The following TNR variants were observed in gnomAD, a reference collection of about 807,000 sequenced individuals.
TNR encodes the protein tenascin-R.
In TNR, 45 loss-of-function variants were observed where a neutral mutation model predicts 150.4. That is an observed-to-expected ratio of 0.30 (90% CI 0.24 to 0.38). The LOEUF is 0.38. Ranked by LOEUF, TNR falls within the 10% of genes least tolerant of loss-of-function variation. TNR has a pLI of 1.00. For synonymous variants in TNR, 687 were observed against 678.4 expected, an observed-to-expected ratio of 1.01 and a Z score of -0.20; for missense variants, 1,544 against 1,759.1, an observed-to-expected ratio of 0.88 and a Z score of 2.19.
At chr1:175,730,718 T>C (rs943168557) in intron 1 of TNR, among the ~76,000 whole-genome samples, 2 of 152,184 alleles carry the variant, frequency 1.3e-5, no homozygotes, top group African/African-American at 4.8e-5. Flanking sequence ...ATAACATACA[T>C]ATATACTATG....
rs910520193 is a variant in TNR, at chr1:175,725,172, T to G, written c.-165+18054A>C. On this transcript the variant is annotated intron_variant, in intron 1 of 22. Coordinates refer to ENST00000367674, the MANE Select transcript of TNR (RefSeq NM_003285.3). Reference sequence around the variant, plus strand: ...ATTGGAAAAAAGCAACAGGCCCCTTTCCACCATGTGAGGATGCAATGAGGA... The same window carrying G: ...ATTGGAAAAAAGCAACAGGCCCCTTGCCACCATGTGAGGATGCAATGAGGA... Among the ~76,000 whole-genome samples the G allele has an allele frequency of 2.0e-5, 3 of 152,298 alleles. No homozygotes were observed. In the South Asian group the frequency reaches 6.2e-4, roughly 32 times the overall value.
chr1:175,732,306 C>T (rs923957717), intron 1 of TNR, among the ~76,000 whole-genome samples: 1 of 152,154 alleles, frequency 6.6e-6, no homozygotes, highest in Non-Finnish European at 1.5e-5. Context: ...GTAGTTACAG[C>T]TTTGGCCCAG....
rs1442226705 is a variant in TNR at position 175,599,284 on chromosome 1, G to A, written c.-164-70915C>T. Reference sequence around the variant, plus strand: ...TTTCAGGCGCCCGGGTTTGCCCACCGCGAAGAGCAGTGGCGGAGACATCGC... The same window carrying A: ...TTTCAGGCGCCCGGGTTTGCCCACCACGAAGAGCAGTGGCGGAGACATCGC... On this transcript the variant is annotated intron_variant, in intron 1 of 22. Coordinates refer to ENST00000367674, the MANE Select transcript of TNR (RefSeq NM_003285.3). The surrounding 1 kb of genome is among the most constrained non-coding windows in gnomAD (Gnocchi z 4.7). Among the ~76,000 whole-genome samples the A allele has an allele frequency of 6.6e-6, 1 of 152,230 alleles. No homozygotes were observed. Among genetic ancestry groups the A allele is most frequent in the Non-Finnish European group, 1.5e-5 (1 of 68,040 alleles).
At chr1:175,579,991 G>T (rs1358923893) in intron 1 of TNR, among the ~76,000 whole-genome samples, 1 of 152,104 alleles carries the variant, frequency 6.6e-6, no homozygotes, top group African/African-American at 2.4e-5. Flanking sequence ...ACGGCATAAG[G>T]AAAGGAAAGC....
In TNR at chr1:175,418,450, G is replaced by A. The variant is rs373463219; in HGVS notation, c.-63-11673C>T. Among the ~76,000 whole-genome samples the A allele has an allele frequency of 1.5e-4, 23 of 152,308 alleles. 1 individual carries two copies. In the South Asian group the frequency reaches 3.7e-3, roughly 25 times the overall value. ...ATGGAAAAGGCAGTTGAGGCCGGGC[G>A]GAGTGGCTCATGCTTGTAATCCCAA... On this transcript the variant is annotated intron_variant, in intron 2 of 22. Coordinates refer to ENST00000367674, the MANE Select transcript of TNR (RefSeq NM_003285.3).
Position 175,318,926 on chromosome 1 carries a change from C to A in TNR, c.*4431G>T, listed in dbSNP as rs1186532449. On this transcript the variant is annotated 3_prime_UTR_variant, in exon 23 of 23. Coordinates refer to ENST00000367674, the MANE Select transcript of TNR (RefSeq NM_003285.3). ...AGCAAGTGAAAACAAATTATCCCAA[C>A]TTCTTTGGGATTATTGAAACTGAAC... 1 of 152,214 alleles carries A rather than the reference C, an allele frequency of 6.6e-6. No individual in the cohort carries two copies. Among genetic ancestry groups the A allele is most frequent in the African/African-American group, 2.4e-5 (1 of 41,456 alleles). The allele number at this position is 152,214 out of a possible 1,614,324, so 9.4% of individuals were successfully genotyped here.
At chr1:175,337,797 A>G in intron 18 of TNR, 118 bp from the exon 19 acceptor site, 1 of 1,203,894 alleles carries the variant, frequency 8.3e-7, no homozygotes, top group Non-Finnish European at 1.2e-6. Context: ...GCTGTAAGAA[A>G]TCCTCAACGG....
intron 1 of TNR, among the ~76,000 whole-genome samples, chr1:175,553,813 AACAAACACACACAC>A (rs1196016734): frequency 4.6e-5 from 1 of 21,822 alleles, no homozygotes; most frequent in African/African-American, 1.5e-4. Context: ...CATATACAAG[AACAAACACACACAC>A]ACACACACAC....
chr1:175,709,007 T>C (rs1349920103), intron 1 of TNR, among the ~76,000 whole-genome samples: 1 of 140,092 alleles, frequency 7.1e-6, no homozygotes, highest in Non-Finnish European at 1.5e-5. Context: ...TATCATGTAA[T>C]CCTCACGACA....
intron 21 of TNR, among the ~76,000 whole-genome samples, chr1:175,324,745 C>A (rs1032139466): frequency 6.6e-6 from 1 of 152,182 alleles, no homozygotes; most frequent in Non-Finnish European, 1.5e-5. Flanking sequence ...CTTTGACCAC[C>A]TTTGCTGAGA....
chr1:175,663,310 C>T (rs1026520695), intron 1 of TNR, among the ~76,000 whole-genome samples: 19 of 152,322 alleles, frequency 1.2e-4, no homozygotes, highest in Middle Eastern at 6.8e-3. Context: ...TGCAAGGGTT[C>T]ATTCCCAGGA....
At chr1:175,581,943 T>C (rs572174637) in intron 1 of TNR, among the ~76,000 whole-genome samples, 42 of 152,272 alleles carry the variant, frequency 2.8e-4, no homozygotes, top group Admixed American at 9.1e-4. Flanking sequence ...AGATATTATC[T>C]CTGGCCCTAG....
intron 1 of TNR, among the ~76,000 whole-genome samples, chr1:175,614,850 A>AC (rs1268128601): frequency 6.6e-6 from 1 of 152,240 alleles, no homozygotes; most frequent in Non-Finnish European, 1.5e-5. Flanking sequence ...AGGTTCTTCC[A>AC]CACAGTGGGT....
At chr1:175,438,778 C>T (rs1337674413) in intron 2 of TNR, among the ~76,000 whole-genome samples, 2 of 152,100 alleles carry the variant, frequency 1.3e-5, no homozygotes, top group Non-Finnish European at 2.9e-5. Context: ...TTCACAATTG[C>T]TACAAAGAGA....
intron 2 of TNR, among the ~76,000 whole-genome samples, chr1:175,462,171 T>C (rs1178970951): frequency 1.3e-5 from 2 of 152,284 alleles, no homozygotes; most frequent in East Asian, 1.9e-4. Flanking sequence ...CCTTTTGGGG[T>C]TCAGTAATTC....
chr1:175,742,458 A>G (rs1217043109), intron 1 of TNR, among the ~76,000 whole-genome samples: 1 of 152,194 alleles, frequency 6.6e-6, no homozygotes, highest in Non-Finnish European at 1.5e-5. Flanking sequence ...AGATGGCATA[A>G]AAGTGGAGGG....
chr1:175,725,649 G>A (rs1571793927), intron 1 of TNR, among the ~76,000 whole-genome samples: 1 of 152,160 alleles, frequency 6.6e-6, no homozygotes, highest in East Asian at 1.9e-4. Context: ...GAAGATGTGG[G>A]GAAAATAGGT....
chr1:175,326,202 G>A (rs1339645299), intron 21 of TNR, among the ~76,000 whole-genome samples: 1 of 152,152 alleles, frequency 6.6e-6, no homozygotes, highest in Non-Finnish European at 1.5e-5. Flanking sequence ...TATTTAAGGT[G>A]AGGGATCAGA....
At position 175,393,785 on chromosome 1, in the gene TNR, G is replaced by A; in HGVS notation, c.1351C>T (p.Pro451Ser). The A allele has an allele frequency of 6.2e-7, 1 of 1,612,342 alleles. No individual in the cohort carries two copies. The highest frequency in any genetic ancestry group is 8.5e-7 in the Non-Finnish European group (1 of 1,178,332). Residue 451 changes from proline to serine, a missense_variant, in exon 6 of 23, where the codon CCA becomes TCA. Transcript: ENST00000367674. ...SFDGWEISFI[P>S]KNNEGGVIAQ... is the part of the protein sequence containing the mutation. ...GTGTAACAGGTGAGTGTTACCTTTG[G>A]AATGAAGCTGATTTCCCACCCATCG...
Sources: gnomAD v4.1 joint callset for allele counts (sites outside exome capture counted in the v4.1 genomes callset) on GRCh38, gnomAD v4.1.1 for gene constraint, Gnocchi (gnomAD v3.1) non-coding constraint, MANE v1.5 for transcripts, NCBI Gene and HGNC (gene_info 2026-07-23, HGNC 2026-07-21) for gene names.